Variants in NAV2 observed in about 807,000 individuals in gnomAD.
NAV2 encodes the protein helicase, APC down-regulated 1.
A neutral mutation model predicts 223.2 loss-of-function variants in NAV2; 54 were observed. That is an observed-to-expected ratio of 0.24 (90% CI 0.19 to 0.30). The LOEUF is 0.30. Ranked by LOEUF, NAV2 falls within the 10% of genes least tolerant of loss-of-function variation. The pLI is 1.00. For missense variants in NAV2, 2,806 were observed against 3,147.5 expected (o/e 0.89, Z 2.60); for synonymous variants, 1,279 against 1,239.3 (o/e 1.03, Z -0.67).
At chr11:19,518,074 G>A (rs2043515481) in intron 1 of NAV2, among the ~76,000 whole-genome samples, 1 of 152,202 alleles carries the variant, frequency 6.6e-6, no homozygotes, top group African/African-American at 2.4e-5. Flanking sequence ...GAATAGAGTG[G>A]GCTATTGACT....
intron 1 of NAV2, among the ~76,000 whole-genome samples, chr11:19,408,526 T>C (rs868214673): frequency 6.6e-6 from 1 of 152,232 alleles, no homozygotes; most frequent in African/African-American, 2.4e-5. Context: ...GTTCAGGTCC[T>C]GCTACCTCAA....
At position 19,847,312 on chromosome 11, in the gene NAV2, G is replaced by C. The variant is rs574723837; in HGVS notation, c.438+4389G>C. Among the ~76,000 whole-genome samples the C allele has an allele frequency of 9.8e-5, 15 of 152,322 alleles. No individual in the cohort carries two copies. In the South Asian group the frequency reaches 1.0e-3, roughly 11 times the overall value. ...ATTTTAAGCAGCTTGGCTGTCTGTT[G>C]TTGATTAGGAGAAGTGCAAAGTTAG... is the stretch of plus-strand genomic sequence containing the variant. On this transcript the variant is annotated intron_variant, in intron 3 of 37. Coordinates refer to ENST00000349880, the MANE Select transcript of NAV2 (RefSeq NM_145117.5).
intron 1 of NAV2, among the ~76,000 whole-genome samples, chr11:19,732,872 T>G (rs1269433615): frequency 6.6e-6 from 1 of 152,240 alleles, no homozygotes; most frequent in Non-Finnish European, 1.5e-5. Context: ...TCACACCAAC[T>G]ATTCTTCCTT....
At chr11:20,091,816 C>T (rs1565044788) in intron 27 of NAV2, among the ~76,000 whole-genome samples, 1 of 152,190 alleles carries the variant, frequency 6.6e-6, no homozygotes, top group Non-Finnish European at 1.5e-5. Flanking sequence ...AAATGCTGCA[C>T]ACCATGTGCC....
chr11:19,872,332 T>A (rs932869523), intron 4 of NAV2, among the ~76,000 whole-genome samples: 1 of 152,106 alleles, frequency 6.6e-6, no homozygotes, highest in African/African-American at 2.4e-5. Context: ...ATCCCCCTCA[T>A]GCAGATGAGC....
intron 1 of NAV2, among the ~76,000 whole-genome samples, chr11:19,528,921 T>C (rs1373570143): frequency 1.2e-5 from 1 of 84,250 alleles, no homozygotes; most frequent in African/African-American, 4.8e-5. Context: ...AGAGTGAGAC[T>C]CCATCTCAAA....
chr11:19,960,320 T>C (rs1461149265), intron 10 of NAV2, among the ~76,000 whole-genome samples: 2 of 152,188 alleles, frequency 1.3e-5, no homozygotes, highest in East Asian at 1.9e-4. Context: ...TGGGGGCTGA[T>C]ATGTGTGGCA....
chr11:20,043,205 A>G (rs1399617256), intron 12 of NAV2, among the ~76,000 whole-genome samples: 3 of 152,176 alleles, frequency 2.0e-5, no homozygotes, highest in African/African-American at 7.2e-5. Flanking sequence ...TGTTAGATCC[A>G]AAGATCTCTC....
intron 3 of NAV2, among the ~76,000 whole-genome samples, chr11:19,846,097 G>A (rs879435118): frequency 2.0e-5 from 3 of 152,216 alleles, no homozygotes; most frequent in Non-Finnish European, 2.9e-5. Flanking sequence ...AACTTCTAAA[G>A]GGTGAGTCTT....
chr11:19,721,551 A>AAAT (rs1350247311), intron 1 of NAV2, among the ~76,000 whole-genome samples: 1 of 152,242 alleles, frequency 6.6e-6, no homozygotes, highest in Non-Finnish European at 1.5e-5. Context: ...GGATCTTCAA[A>AAAT]AATGTCAGTG....
chr11:19,490,177 G>C (rs991433730), intron 1 of NAV2, among the ~76,000 whole-genome samples: 1 of 152,144 alleles, frequency 6.6e-6, no homozygotes, highest in African/African-American at 2.4e-5. Context: ...GCTAGTGGAC[G>C]GTCTTGCCTC....
chr11:19,942,809 A>G (rs563257298), intron 8 of NAV2, among the ~76,000 whole-genome samples: 1 of 152,040 alleles, frequency 6.6e-6, no homozygotes, highest in Non-Finnish European at 1.5e-5. Context: ...CACATAGAAG[A>G]CCTCATCTCT....
chr11:20,117,166 G>A (rs2249880), intron 37 of NAV2, among the ~76,000 whole-genome samples: 23,580 of 152,014 alleles, frequency 0.16, 2,397 homozygotes, highest in East Asian at 0.38. Flanking sequence ...CTTCCTATAT[G>A]AAATATAAAA....
At chr11:19,736,747 C>T (rs1478696355) in intron 1 of NAV2, among the ~76,000 whole-genome samples, 1 of 152,226 alleles carries the variant, frequency 6.6e-6, no homozygotes, top group Non-Finnish European at 1.5e-5. Context: ...TCTCTTCCCC[C>T]AACTCTGCTG....
chr11:19,908,794 A>T (rs2153216731), intron 6 of NAV2, among the ~76,000 whole-genome samples: 1 of 152,352 alleles, frequency 6.6e-6, no homozygotes, highest in East Asian at 1.9e-4. Context: ...GATTCCGTTT[A>T]TATGAAATCT....
rs760643544 is a variant in NAV2 at position 20,045,544 on chromosome 11, A to T, written c.3776A>T (p.Asn1259Ile). 2 of 1,614,004 alleles carry T rather than the reference A, an allele frequency of 1.2e-6. No individual in the cohort carries two copies. Among genetic ancestry groups the T allele is most frequent in the Non-Finnish European group, 1.7e-6 (2 of 1,180,026 alleles). ...AAGGAGAAAGGCATCTCATCAGACA[A>T]CGAGAGTGTGGCTTCCTGTAACTCG... is the stretch of plus-strand genomic sequence containing the variant. ...TDKEKGISSD[N>I]ESVASCNSVK... The change falls in exon 14 of 38, where the codon AAC (asparagine) becomes ATC (isoleucine). Residue 1259 changes from asparagine (N) to isoleucine (I), a missense_variant. Around this residue, in one of 4 missense-constraint regions of NAV2, gnomAD observed 742 missense variants for 777.9 expected, o/e 0.95. Transcript: ENST00000349880.
chr11:19,926,325 C>T (rs901947616), intron 6 of NAV2, among the ~76,000 whole-genome samples: 2 of 152,222 alleles, frequency 1.3e-5, no homozygotes, highest in South Asian at 4.1e-4. Flanking sequence ...TCTCACTCTC[C>T]TGTCTCCATT....
At chr11:19,408,290 A>C (rs1849989370) in intron 1 of NAV2, among the ~76,000 whole-genome samples, 1 of 152,298 alleles carries the variant, frequency 6.6e-6, no homozygotes, top group South Asian at 2.1e-4. Context: ...TGTTGCAAGC[A>C]GGCAGGGAAA....
chr11:19,430,472 G>T (rs1851001873), intron 1 of NAV2, among the ~76,000 whole-genome samples: 1 of 152,216 alleles, frequency 6.6e-6, no homozygotes, highest in Non-Finnish European at 1.5e-5. Flanking sequence ...CATAAGTACA[G>T]TGCACCCTTG....
Sources: gnomAD v4.1 joint callset for allele counts (sites outside exome capture counted in the v4.1 genomes callset) on GRCh38, gnomAD v4.1.1 for gene constraint, gnomAD v4.1.1 regional missense constraint, MANE v1.5 for transcripts, NCBI Gene and HGNC (gene_info 2026-07-23, HGNC 2026-07-21) for gene names.